CCDC117: variants seen among roughly 807,000 people sequenced by gnomAD.
The protein encoded by CCDC117 is coiled-coil domain-containing protein 117.
CCDC117 carries 1 observed loss-of-function variant against 23.5 expected under a neutral mutation model. The ratio of observed to expected loss-of-function variants is 0.04; its 90% CI spans 0.02 to 0.20. The LOEUF is 0.20. Ranked by LOEUF, CCDC117 falls within the 10% of genes least tolerant of loss-of-function variation. CCDC117 has a pLI of 1.00. For synonymous variants in CCDC117, 132 were observed against 124.8 expected (o/e 1.06, Z -0.39); for missense variants, 383 against 348.2 (o/e 1.10, Z -0.80).
At chr22:28,783,440 C>T in intron 3 of CCDC117, 68 bp from the exon 4 acceptor site, 5 of 1,481,886 alleles carry the variant, frequency 3.4e-6, no homozygotes, top group Non-Finnish European at 3.7e-6. Flanking sequence ...AAATTTTGTC[C>T]AAATACTAGA....
In CCDC117 at chr22:28,773,021, G is replaced by A. The variant is rs2031036436; in HGVS notation, c.172G>A (p.Ala58Thr). ...RAVPSSPAGS[A>T]ARGRVSVHCK... ...AGTCCCTAGCAGTCCCGCTGGGAGTGCGGCGCGCGGACGGTGAGGAGCCCG... is the reference window on the plus strand; with the variant it reads ...AGTCCCTAGCAGTCCCGCTGGGAGTACGGCGCGCGGACGGTGAGGAGCCCG... Residue 58 changes from alanine to threonine, a missense_variant, in exon 1 of 5, where the codon GCG (alanine) becomes ACG (threonine). By Grantham distance (58) the Ala-to-Thr change is moderately conservative (BLOSUM62 0). Transcript: ENST00000249064. The A allele has an allele frequency of 1.5e-5, 18 of 1,181,858 alleles. No individual in the cohort carries two copies. In the South Asian group the frequency reaches 2.9e-4, roughly 19 times the overall value. 73.2% of individuals were successfully genotyped at this position (1,181,858 alleles called of 1,614,324 possible). A position where few individuals can be genotyped will look rare whatever the true frequency, so the allele number is the denominator to read the frequency against.
chr22:28,786,873 A>G lies in CCDC117; in HGVS notation c.*547A>G, dbSNP rs915320891. ...CTTGTAATTTAGTTATCAATTCAAT[A>G]TAGCTCTGTTGATTAAATAGCCGAT... On this transcript the variant is annotated 3_prime_UTR_variant, in exon 5 of 5. Transcript: ENST00000249064. 4 of 153,012 alleles carry G rather than the reference A, an allele frequency of 2.6e-5. No homozygotes were observed. Among genetic ancestry groups the G allele is most frequent in the African/African-American group, 4.8e-5 (2 of 41,446 alleles). The allele number at this position is 153,012 out of a possible 1,614,324, so 9.5% of individuals were successfully genotyped here.
intron 4 of CCDC117, among the ~76,000 whole-genome samples, chr22:28,784,778 T>C (rs1004174434): frequency 6.6e-5 from 10 of 152,132 alleles, no homozygotes; most frequent in African/African-American, 1.9e-4. Flanking sequence ...TTTTTTGTTG[T>C]TGTTGTTGTT....
rs1458440733 is a variant in CCDC117 at position 28,787,831 on chromosome 22, T to C, written c.*1505T>C. 1 of 152,346 alleles carries C rather than the reference T, an allele frequency of 6.6e-6. No homozygotes were observed. The highest frequency in any genetic ancestry group is 1.5e-5 in the Non-Finnish European group (1 of 68,022). 9.4% of individuals were successfully genotyped at this position (152,346 alleles called of 1,614,324 possible). A position where few individuals can be genotyped will look rare whatever the true frequency, so the allele number is the denominator to read the frequency against. ...AACAGGACACCACCCCAGTTTTGTTTTCTGGGTTTCTTCCCCCTTTGTAGG... is the reference window on the plus strand; with the variant it reads ...AACAGGACACCACCCCAGTTTTGTTCTCTGGGTTTCTTCCCCCTTTGTAGG... On this transcript the variant is annotated 3_prime_UTR_variant, in exon 5 of 5. Transcript: ENST00000249064.
At chr22:28,776,381 A>T (rs2031161198) in intron 2 of CCDC117, among the ~76,000 whole-genome samples, 1 of 152,100 alleles carries the variant, frequency 6.6e-6, no homozygotes, top group African/African-American at 2.4e-5. Flanking sequence ...GTGACAGAGC[A>T]AGATTAGATT....
At chr22:28,783,158 C>T (rs2031403067) in intron 3 of CCDC117, among the ~76,000 whole-genome samples, 1 of 152,108 alleles carries the variant, frequency 6.6e-6, no homozygotes, top group Non-Finnish European at 1.5e-5. Flanking sequence ...TCTCCTGCCT[C>T]AGCCTCCTGA....
chr22:28,781,194 C>T, intron 3 of CCDC117, 22 bp downstream of exon 3: 7 of 1,499,542 alleles, frequency 4.7e-6, no homozygotes, highest in Non-Finnish European at 6.5e-6. Context: ...GTGTATATAG[C>T]TGGTTTTTTG....
At chr22:28,780,847 A>T in intron 2 of CCDC117, 101 bp from the exon 3 acceptor site, 1 of 809,682 alleles carries the variant, frequency 1.2e-6, no homozygotes, top group Non-Finnish European at 2.0e-6. Context: ...TTGTCAAAAA[A>T]GCTAGTTTTT....
In CCDC117 at chr22:28,772,991, C is replaced by T; in HGVS notation, c.142C>T (p.Arg48Cys). Reference sequence around the variant, plus strand: ...CGAGTTGGCCCCGCGGCCGGGACCTCGCGCAGTCCCTAGCAGTCCCGCTGG... The same window carrying T: ...CGAGTTGGCCCCGCGGCCGGGACCTTGCGCAGTCCCTAGCAGTCCCGCTGG... ...GAELAPRPGP[R>C]AVPSSPAGSA... The change falls in exon 1 of 5, where the codon CGC becomes TGC. Residue 48 changes from arginine to cysteine, a missense_variant. By Grantham distance (180) the Arg-to-Cys change is radical (BLOSUM62 -3). Coordinates refer to ENST00000249064, the MANE Select transcript of CCDC117 (RefSeq NM_173510.4). 8.4e-7 allele frequency: 1 copy of T among 1,197,274 alleles called. No individual in the cohort carries two copies. The highest frequency in any genetic ancestry group is 1.0e-6 in the Non-Finnish European group (1 of 965,448). The allele number at this position is 1,197,274 out of a possible 1,614,324, so 74.2% of individuals were successfully genotyped here. A position where few individuals can be genotyped will look rare whatever the true frequency, so the allele number is the denominator to read the frequency against.
At chr22:28,779,120 A>G (rs1363412305) in intron 2 of CCDC117, among the ~76,000 whole-genome samples, 1 of 151,540 alleles carries the variant, frequency 6.6e-6, no homozygotes, top group Non-Finnish European at 1.5e-5. Flanking sequence ...ACACCACGAC[A>G]CTCGCCTTAT....
At chr22:28,781,961 T>A (rs1166094722) in intron 3 of CCDC117, among the ~76,000 whole-genome samples, 1 of 148,300 alleles carries the variant, frequency 6.7e-6, no homozygotes, top group African/African-American at 2.5e-5. Context: ...TTTTTTTTTT[T>A]AAATTGATAC....
At chr22:28,778,620 C>G (rs2031237916) in intron 2 of CCDC117, among the ~76,000 whole-genome samples, 1 of 152,074 alleles carries the variant, frequency 6.6e-6, no homozygotes, top group Non-Finnish European at 1.5e-5. Context: ...ACACAGGAAA[C>G]TTTTTGCTTT....
intron 3 of CCDC117, among the ~76,000 whole-genome samples, chr22:28,783,293 G>T (rs191062565): frequency 6.6e-6 from 1 of 150,378 alleles, no homozygotes; most frequent in African/African-American, 2.4e-5. Context: ...TGCCCGCCTC[G>T]GCCTCCCAAA....
chr22:28,778,705 A>G (rs989194033), intron 2 of CCDC117, among the ~76,000 whole-genome samples: 3 of 152,206 alleles, frequency 2.0e-5, no homozygotes, highest in Admixed American at 6.6e-5. Context: ...AAGTATAGAA[A>G]CTATCGGCTT....
chr22:28,777,623 C>T (rs2031206538), intron 2 of CCDC117, among the ~76,000 whole-genome samples: 1 of 151,614 alleles, frequency 6.6e-6, no homozygotes, highest in South Asian at 2.1e-4. Flanking sequence ...GATTCTCCTG[C>T]CTCAGCCTCG....
At chr22:28,778,073 C>A (rs1324372840) in intron 2 of CCDC117, among the ~76,000 whole-genome samples, 4 of 151,568 alleles carry the variant, frequency 2.6e-5, no homozygotes, top group African/African-American at 7.3e-5. Context: ...TCTCTATCTC[C>A]TGACCTTGTG....
chr22:28,781,483 T>C (rs1312909587), intron 3 of CCDC117, among the ~76,000 whole-genome samples: 2 of 88,130 alleles, frequency 2.3e-5, no homozygotes, highest in Admixed American at 9.8e-5. Context: ...CCCAAGTAGC[T>C]GGGACTACAG....
intron 2 of CCDC117, among the ~76,000 whole-genome samples, chr22:28,779,693 T>G (rs2031265406): frequency 1.3e-5 from 2 of 152,234 alleles, no homozygotes. Context: ...TGCCAGAGAC[T>G]TTAATGTTGG....
At chr22:28,773,548 C>G (rs1165195794) in intron 1 of CCDC117, among the ~76,000 whole-genome samples, 177 bp from the exon 2 acceptor site, 2 of 152,188 alleles carry the variant, frequency 1.3e-5, no homozygotes, top group Admixed American at 1.3e-4. Flanking sequence ...CTGTCCAGTT[C>G]TGTCGGGGCA....
Sources: allele counts gnomAD v4.1 joint callset (sites outside exome capture counted in the v4.1 genomes callset), GRCh38; gene constraint gnomAD v4.1.1; transcripts MANE v1.5; gene names NCBI Gene and HGNC (gene_info 2026-07-23, HGNC 2026-07-21).